Variants in BRCA2 observed in about 807,000 individuals in gnomAD.
The protein encoded by BRCA2 is BRCA2 DNA repair associated, also known as breast cancer type 2 susceptibility protein.
Under a neutral mutation model 276.7 loss-of-function variants are expected in BRCA2, and 203 were observed. That is an observed-to-expected ratio of 0.73 (90% CI 0.65 to 0.82). The LOEUF (loss-of-function observed/expected upper bound fraction) is 0.82. Ranked by LOEUF, BRCA2 falls within the 40% of genes least tolerant of loss-of-function variation. The probability of loss-of-function intolerance (pLI) is 0.00; values close to 1 mark genes in which losing one functional copy is unlikely to be tolerated. For missense variants in BRCA2, 3,920 were observed against 3,915.0 expected, an observed-to-expected ratio of 1.00 and a Z score of -0.03; for synonymous variants, 1,289 against 1,338.4, an observed-to-expected ratio of 0.96 and a Z score of 0.81.
chr13:32,320,378 C>T lies in BRCA2; in HGVS notation c.316+1053C>T, dbSNP rs146231346. Among the ~76,000 whole-genome samples, 20 of 152,330 alleles carry T rather than the reference C, an allele frequency of 1.3e-4. No homozygotes were observed. In the East Asian group the frequency reaches 3.5e-3, roughly 26 times the overall value. Reference sequence around the variant, plus strand: ...AGGCCCCTGATTTACACTCTTGGCTCAGCTTGCCATATTCATCCTCTCACC... The same window carrying T: ...AGGCCCCTGATTTACACTCTTGGCTTAGCTTGCCATATTCATCCTCTCACC... On this transcript the variant is annotated intron_variant, in intron 3 of 26. Transcript: ENST00000380152.
chr13:32,395,563 A>G (rs2073030193), intron 25 of BRCA2, among the ~76,000 whole-genome samples: 1 of 152,196 alleles, frequency 6.6e-6, no homozygotes, highest in Non-Finnish European at 1.5e-5. Context: ...GGCTTGCCTT[A>G]GGTCAAATGC....
chr13:32,366,331 T>C (rs2072781856), intron 18 of BRCA2, among the ~76,000 whole-genome samples: 1 of 152,192 alleles, frequency 6.6e-6, no homozygotes, highest in Non-Finnish European at 1.5e-5. Context: ...TCTGAAGTTA[T>C]AGTGGATGTG....
intron 15 of BRCA2, among the ~76,000 whole-genome samples, chr13:32,357,462 CA>C (rs1313477766): frequency 6.6e-6 from 1 of 152,202 alleles, no homozygotes; most frequent in Admixed American, 6.5e-5. Flanking sequence ...TAAAACATCA[CA>C]TTTTTTTATC....
chr13:32,395,644 T>C (rs1385724333), intron 25 of BRCA2, among the ~76,000 whole-genome samples: 1 of 152,220 alleles, frequency 6.6e-6, no homozygotes, highest in Non-Finnish European at 1.5e-5. Context: ...TGCTATGCAA[T>C]GCTGCTTCCC....
At chr13:32,333,412 A>G (rs2137476453) in intron 10 of BRCA2, 25 bp downstream of exon 10, 1 of 1,595,108 alleles carries the variant, frequency 6.3e-7, no homozygotes, top group Non-Finnish European at 8.5e-7. Flanking sequence ...TTTTTTTTGT[A>G]AATAGTACAT....
intron 11 of BRCA2, among the ~76,000 whole-genome samples, chr13:32,342,162 A>G (rs965673506): frequency 6.6e-6 from 1 of 150,400 alleles, no homozygotes; most frequent in East Asian, 2.0e-4. Flanking sequence ...AATCCCAACT[A>G]CTCCAGAAGC....
chr13:32,394,192 G>T (rs1308616276), intron 24 of BRCA2, among the ~76,000 whole-genome samples: 1 of 152,048 alleles, frequency 6.6e-6, no homozygotes, highest in Non-Finnish European at 1.5e-5. Flanking sequence ...ACTCTATCCT[G>T]TATATGAGCT....
chr13:32,356,529 G>A lies in BRCA2; in HGVS notation c.7537G>A (p.Ala2513Thr), dbSNP rs1555286273. ...TCCACAGCCAGGCAGTCTGTATCTT[G>A]CAAAAACATCCACTCTGCCTCGAAT... ...VFPQPGSLYL[A>T]KTSTLPRISL... The change falls in exon 15 of 27, where the codon GCA becomes ACA. Residue 2513 changes from alanine (A) to threonine (T), a missense_variant. Ala to Thr is a moderately conservative substitution (Grantham distance 58, BLOSUM62 0). Transcript: ENST00000380152. 1 of 1,614,190 alleles carries A rather than the reference G, an allele frequency of 6.2e-7. No individual in the cohort carries two copies. The highest frequency in any genetic ancestry group is 8.5e-7 in the Non-Finnish European group (1 of 1,180,016).
intron 3 of BRCA2, among the ~76,000 whole-genome samples, chr13:32,320,465 C>G (rs1458465082): frequency 1.3e-5 from 2 of 152,198 alleles, no homozygotes; most frequent in South Asian, 2.1e-4. Context: ...ACAATGCTCT[C>G]TGGCTCTTTA....
intron 24 of BRCA2, chr13:32,384,862 C>T: frequency 3.5e-6 from 1 of 287,552 alleles, no homozygotes; most frequent in Non-Finnish European, 7.3e-6. Flanking sequence ...ACCCGAAAGG[C>T]CAGAATGAGG....
chr13:32,371,210 A>C (rs1593931450), intron 20 of BRCA2, 110 bp downstream of exon 20: 27 of 1,204,844 alleles, frequency 2.2e-5, no homozygotes, highest in Non-Finnish European at 3.2e-5. Context: ...TTGAGTAGTA[A>C]ATTGACTTTA....
At chr13:32,372,384 A>G (rs1214418372) in intron 20 of BRCA2, among the ~76,000 whole-genome samples, 3 of 152,240 alleles carry the variant, frequency 2.0e-5, no homozygotes, top group Non-Finnish European at 2.9e-5. Context: ...TCTAAAGGAA[A>G]GAAGCTTAAT....
rs2072259508 is a variant in BRCA2, at chr13:32,316,417, T to G, written c.-39-5T>G. On this transcript the variant is annotated splice_region_variant and splice_polypyrimidine_tract_variant and intron_variant, in intron 1 of 26. Transcript: ENST00000380152. ...GTAAGTGCATTTTGGTCTTCTGTTTTGCAGACTTATTTACCAAGCATTGGA... is the reference window on the plus strand; with the variant it reads ...GTAAGTGCATTTTGGTCTTCTGTTTGGCAGACTTATTTACCAAGCATTGGA... 1.3e-6 allele frequency: 2 copies of G among 1,560,148 alleles called. No individual in the cohort carries two copies. Among genetic ancestry groups the G allele is most frequent in the South Asian group, 1.1e-5 (1 of 89,766 alleles).
intron 20 of BRCA2, among the ~76,000 whole-genome samples, chr13:32,374,141 G>T (rs2072855241): frequency 6.6e-6 from 1 of 152,256 alleles, no homozygotes; most frequent in African/African-American, 2.4e-5. Flanking sequence ...TCCCATGGCT[G>T]CACAGAGCAG....
chr13:32,323,399 C>T (rs1202495248), intron 3 of BRCA2, among the ~76,000 whole-genome samples: 6 of 152,104 alleles, frequency 3.9e-5, no homozygotes, highest in Non-Finnish European at 8.8e-5. Flanking sequence ...GTGATCCGCT[C>T]GCCTCGGCCT....
At chr13:32,362,825 TCTC>T (rs1445724857) in intron 17 of BRCA2, 132 bp downstream of exon 17, 1 of 949,262 alleles carries the variant, frequency 1.1e-6, no homozygotes, top group Non-Finnish European at 1.6e-6. Flanking sequence ...ACACTGCTGT[TCTC>T]CTGTCATCCC....
chr13:32,382,934 G>C (rs1279637579), intron 24 of BRCA2, among the ~76,000 whole-genome samples: 1 of 152,072 alleles, frequency 6.6e-6, no homozygotes, highest in Non-Finnish European at 1.5e-5. Flanking sequence ...GTAATCACAG[G>C]AAAAAAGTAA....
At chr13:32,385,891 A>C (rs191760250) in intron 24 of BRCA2, 1 of 158,978 alleles carries the variant, frequency 6.3e-6, no homozygotes, top group East Asian at 1.9e-4. Flanking sequence ...AAAAGCAATA[A>C]AAATAGAAAA....
chr13:32,317,954 G>A (rs540062692), intron 2 of BRCA2, among the ~76,000 whole-genome samples: 4 of 152,214 alleles, frequency 2.6e-5, no homozygotes, highest in Non-Finnish European at 5.9e-5. Flanking sequence ...TCAGTATGCA[G>A]AAGTGCTTTA....
Sources: gnomAD v4.1 joint callset for allele counts (sites outside exome capture counted in the v4.1 genomes callset) on GRCh38, gnomAD v4.1.1 for gene constraint, MANE v1.5 for transcripts, NCBI Gene and HGNC (gene_info 2026-07-23, HGNC 2026-07-21) for gene names.